The following NPAS3 variants were observed in gnomAD, a reference collection of about 807,000 sequenced individuals.
The protein encoded by NPAS3 is neuronal PAS domain-containing protein 3.
A neutral mutation model predicts 73.1 loss-of-function variants in NPAS3; 14 were observed. That is an observed-to-expected ratio of 0.19 (90% CI 0.13 to 0.30). The LOEUF (loss-of-function observed/expected upper bound fraction) is 0.30. Ranked by LOEUF, NPAS3 falls within the 10% of genes least tolerant of loss-of-function variation. The probability of loss-of-function intolerance (pLI) is 1.00; values close to 1 mark genes in which losing one functional copy is unlikely to be tolerated. For missense variants in NPAS3, 1,096 were observed against 1,250.0 expected (o/e 0.88, Z 1.86); for synonymous variants, 620 against 541.5 (o/e 1.14, Z -2.01).
chr14:33,469,774 A>G (rs991961755), intron 4 of NPAS3, among the ~76,000 whole-genome samples: 2 of 152,180 alleles, frequency 1.3e-5, no homozygotes, highest in African/African-American at 4.8e-5. Context: ...TAAACAGAAC[A>G]ATGGAAATGC....
At chr14:33,403,830 CTCTTT>C (rs2047548315) in intron 4 of NPAS3, among the ~76,000 whole-genome samples, 1 of 151,960 alleles carries the variant, frequency 6.6e-6, no homozygotes, top group Non-Finnish European at 1.5e-5. Context: ...CTCTCTCTCT[CTCTTT>C]TATTTCCTTC....
At chr14:33,472,135 G>A (rs1200485827) in intron 4 of NPAS3, among the ~76,000 whole-genome samples, 1 of 152,202 alleles carries the variant, frequency 6.6e-6, no homozygotes, top group Non-Finnish European at 1.5e-5. Flanking sequence ...GGAGGTGACT[G>A]CAGTTACAAA....
At chr14:33,779,787 A>G (rs1255371926) in intron 9 of NPAS3, among the ~76,000 whole-genome samples, 3 of 152,196 alleles carry the variant, frequency 2.0e-5, no homozygotes, top group Non-Finnish European at 4.4e-5. Flanking sequence ...GAAATACCCT[A>G]GTGATGCATT....
intron 5 of NPAS3, among the ~76,000 whole-genome samples, chr14:33,584,732 G>A: frequency 6.6e-6 from 1 of 152,194 alleles, no homozygotes; most frequent in East Asian, 1.9e-4. Flanking sequence ...GAAATAATTT[G>A]ACAGCATTTT....
At chr14:33,160,557 G>C (rs907025171) in intron 2 of NPAS3, among the ~76,000 whole-genome samples, 25 of 150,676 alleles carry the variant, frequency 1.7e-4, no homozygotes, top group Non-Finnish European at 3.2e-4. Flanking sequence ...GAGTTAATGG[G>C]TGCAGCACAC....
intron 4 of NPAS3, among the ~76,000 whole-genome samples, chr14:33,477,485 T>G (rs2051095744): frequency 6.6e-6 from 1 of 151,958 alleles, no homozygotes; most frequent in South Asian, 2.1e-4. Flanking sequence ...AAACACACAG[T>G]CACATACAAC....
At position 33,800,791 on chromosome 14, in the gene NPAS3, C is replaced by T; in HGVS notation, c.2484C>T (p.Thr828=). 6.3e-7 allele frequency: 1 copy of T among 1,587,742 alleles called. No homozygotes were observed. The highest frequency in any genetic ancestry group is 1.8e-5 in the Admixed American group (1 of 56,470). ...CGCAGAGGGTCTACACCACGGGCAC[C>T]ATCCGCTACGCGCCCGCCGAGGTGA... The change falls in exon 12 of 12, where the codon ACC becomes ACT. Residue 828 remains threonine, a synonymous_variant. Coordinates refer to ENST00000356141, the Ensembl canonical transcript of NPAS3. This position sits in a 1 kb window ranked among gnomAD's most constrained non-coding sequence, Gnocchi z 6.5.
intron 4 of NPAS3, among the ~76,000 whole-genome samples, chr14:33,513,937 C>T (rs911533779): frequency 3.3e-5 from 5 of 151,956 alleles, no homozygotes; most frequent in Admixed American, 2.0e-4. Context: ...GACTTGCATG[C>T]CCAGGCTTGC....
intron 3 of NPAS3, among the ~76,000 whole-genome samples, chr14:33,224,892 C>A (rs576419382): frequency 3.3e-5 from 5 of 152,056 alleles, no homozygotes; most frequent in Admixed American, 6.6e-5. Context: ...ATAGATGGGA[C>A]CTTTCTGTAG....
At chr14:32,977,520 C>T (rs191623909) in intron 1 of NPAS3, among the ~76,000 whole-genome samples, 1 of 152,146 alleles carries the variant, frequency 6.6e-6, no homozygotes, top group East Asian at 1.9e-4. Context: ...TTTCTTGAGC[C>T]CAGGAGTTTG....
chr14:33,277,561 A>G (rs9635191), intron 3 of NPAS3, among the ~76,000 whole-genome samples: 9,484 of 152,172 alleles, frequency 0.062, 767 homozygotes, highest in East Asian at 0.31. Context: ...ACAATAGGGG[A>G]TGACATTTTT....
At chr14:33,721,525 A>C (rs1029819171) in intron 6 of NPAS3, among the ~76,000 whole-genome samples, 2 of 152,216 alleles carry the variant, frequency 1.3e-5, no homozygotes, top group African/African-American at 4.8e-5. Flanking sequence ...AAGAGACTAA[A>C]AGCAATATTG....
intron 2 of NPAS3, among the ~76,000 whole-genome samples, chr14:33,113,143 A>G (rs1387517876): frequency 3.9e-5 from 6 of 152,096 alleles, no homozygotes; most frequent in Non-Finnish European, 7.4e-5. Context: ...TTGACTTGGC[A>G]ATGCAGGCTC....
intron 5 of NPAS3, among the ~76,000 whole-genome samples, chr14:33,661,859 T>TGA (rs1011272651): frequency 6.6e-6 from 1 of 152,228 alleles, no homozygotes; most frequent in African/African-American, 2.4e-5. Flanking sequence ...ATTTTACTTT[T>TGA]GATAAGTTTT....
intron 1 of NPAS3, among the ~76,000 whole-genome samples, chr14:32,996,700 G>T (rs1219647551): frequency 3.3e-5 from 5 of 152,206 alleles, no homozygotes; most frequent in Non-Finnish European, 5.9e-5. Context: ...AAGAATTGAG[G>T]TTTGGGAATC....
chr14:33,726,521 T>C (rs1210337597), intron 6 of NPAS3, among the ~76,000 whole-genome samples: 1 of 152,186 alleles, frequency 6.6e-6, no homozygotes, highest in African/African-American at 2.4e-5. Context: ...GTCCATGACT[T>C]GGTCTCCTCT....
At chr14:33,759,248 G>A (rs1281134242) in intron 7 of NPAS3, among the ~76,000 whole-genome samples, 1 of 152,206 alleles carries the variant, frequency 6.6e-6, no homozygotes, top group Admixed American at 6.5e-5. Context: ...GCTATGGGGA[G>A]AAGGTCATTG....
chr14:33,007,306 A>G (rs1595210162), intron 1 of NPAS3, among the ~76,000 whole-genome samples: 2 of 152,276 alleles, frequency 1.3e-5, no homozygotes, highest in African/African-American at 4.8e-5. Flanking sequence ...CTCGTTGCCT[A>G]ATTCTGTATT....
intron 2 of NPAS3, among the ~76,000 whole-genome samples, chr14:33,109,982 A>T (rs370224927): frequency 6.6e-6 from 1 of 151,572 alleles, no homozygotes; most frequent in African/African-American, 2.4e-5. Flanking sequence ...ATACAAGCAG[A>T]TGAACATTTA....
Sources: allele counts gnomAD v4.1 joint callset (sites outside exome capture counted in the v4.1 genomes callset), GRCh38; gene constraint gnomAD v4.1.1; non-coding constraint Gnocchi (gnomAD v3.1); transcripts MANE v1.5; gene names NCBI Gene and HGNC (gene_info 2026-07-23, HGNC 2026-07-21).